Variants in IL1RAPL1 observed in about 807,000 individuals in gnomAD.
The protein encoded by IL1RAPL1 is interleukin 1 receptor accessory protein like 1, also known as interleukin-1 receptor accessory protein-like 1.
Under a neutral mutation model 48.4 loss-of-function variants are expected in IL1RAPL1, and 3 were observed. The observed-to-expected ratio is 0.06, with a 90% CI of 0.03 to 0.16. IL1RAPL1 has a LOEUF of 0.16. Among genes scored for constraint, IL1RAPL1 ranks in the 10% least tolerant of loss-of-function variants. IL1RAPL1 has a pLI of 1.00. For synonymous variants in IL1RAPL1, 185 were observed against 187.7 expected, an observed-to-expected ratio of 0.99 and a Z score of 0.12; for missense variants, 349 against 530.6, an observed-to-expected ratio of 0.66 and a Z score of 3.36.
intron 6 of IL1RAPL1, among the ~76,000 whole-genome samples, chrX:29,769,844 T>C (rs1435889834): frequency 9.1e-6 from 1 of 109,665 alleles, no homozygotes. Context: ...CTCGAACTCC[T>C]GACCTCGTGA....
rs572921846 is a variant in IL1RAPL1, at chrX:29,475,834, GT to G, written c.703+76538del. On this transcript the variant is annotated intron_variant, in intron 5 of 10. Coordinates refer to ENST00000378993, the MANE Select transcript of IL1RAPL1 (RefSeq NM_014271.4). Reference sequence around the variant, plus strand: ...ATAATAATTCATCACACGTTATGAAGTTTTTTTTTTTTATGTAGTTTCTTTT... The same window carrying G: ...ATAATAATTCATCACACGTTATGAAGTTTTTTTTTTTATGTAGTTTCTTTT... 3.7e-3 allele frequency among the ~76,000 whole-genome samples: 385 copies of G among 103,127 alleles called. 1 individual carries two copies. Among genetic ancestry groups the G allele is most frequent in the African/African-American group, 0.011 (304 of 28,578 alleles). The allele number at this position is 103,127 out of a possible 115,157, so 89.6% of individuals were successfully genotyped here.
intron 2 of IL1RAPL1, among the ~76,000 whole-genome samples, chrX:29,137,571 C>T (rs1274308183): frequency 9.0e-6 from 1 of 111,681 alleles, no homozygotes; most frequent in Non-Finnish European, 1.9e-5. Flanking sequence ...TTGAGATTTT[C>T]GTCTTTCTTC....
chrX:29,076,160 G>T (rs1927664786), intron 2 of IL1RAPL1, among the ~76,000 whole-genome samples: 1 of 111,679 alleles, frequency 9.0e-6, no homozygotes, highest in African/African-American at 3.2e-5. Flanking sequence ...ATTTTCAAAA[G>T]AAAATACTTT....
chrX:29,815,824 A>G (rs1930479806), intron 6 of IL1RAPL1, among the ~76,000 whole-genome samples: 1 of 111,398 alleles, frequency 9.0e-6, no homozygotes, highest in African/African-American at 3.3e-5. Context: ...GGTTTCAGCA[A>G]AAGCCTTTTC....
At chrX:29,054,436 A>C (rs1470359963) in intron 2 of IL1RAPL1, among the ~76,000 whole-genome samples, 1 of 111,217 alleles carries the variant, frequency 9.0e-6, no homozygotes, top group Admixed American at 9.6e-5. Context: ...CTTTGTCTGC[A>C]TATCGCTTAC....
At chrX:28,988,538 G>T (rs1925530644) in intron 2 of IL1RAPL1, among the ~76,000 whole-genome samples, 1 of 111,292 alleles carries the variant, frequency 9.0e-6, no homozygotes. Flanking sequence ...GCCACTTCAG[G>T]GTTGATTTCT....
At chrX:29,818,247 A>G (rs1014885953) in intron 6 of IL1RAPL1, among the ~76,000 whole-genome samples, 2 of 112,651 alleles carry the variant, frequency 1.8e-5, no homozygotes, top group Non-Finnish European at 3.7e-5. Flanking sequence ...TGCAGAGGGC[A>G]GTGAGAGCCC....
chrX:28,743,669 G>A (rs186609769), intron 1 of IL1RAPL1, among the ~76,000 whole-genome samples: 2 of 111,137 alleles, frequency 1.8e-5, no homozygotes, highest in East Asian at 2.8e-4. Flanking sequence ...TTGTGATTCC[G>A]TATACTCCAA....
At chrX:29,451,297 C>A (rs763839811) in intron 5 of IL1RAPL1, among the ~76,000 whole-genome samples, 15 of 109,206 alleles carry the variant, frequency 1.4e-4, no homozygotes, top group South Asian at 4.0e-4. Context: ...CAGGTTCAAG[C>A]GATTCTTCTG....
At chrX:28,764,452 TG>T (rs1003961835) in intron 1 of IL1RAPL1, among the ~76,000 whole-genome samples, 1 of 111,693 alleles carries the variant, frequency 9.0e-6, no homozygotes, top group African/African-American at 3.3e-5. Context: ...CCTGTAATCC[TG>T]GCACTTTGGG....
chrX:28,744,405 G>A (rs1935947664), intron 1 of IL1RAPL1, among the ~76,000 whole-genome samples: 1 of 111,536 alleles, frequency 9.0e-6, no homozygotes, highest in Non-Finnish European at 1.9e-5. Context: ...AGCGACATTA[G>A]GTAATTTGCC....
chrX:29,796,855 C>T (rs1284303975), intron 6 of IL1RAPL1, among the ~76,000 whole-genome samples: 1 of 112,662 alleles, frequency 8.9e-6, no homozygotes, highest in African/African-American at 3.2e-5. Flanking sequence ...TCTGGCCACA[C>T]AGTCTTTCCT....
chrX:29,478,087 A>G (rs1355140264), intron 5 of IL1RAPL1, among the ~76,000 whole-genome samples: 1 of 112,410 alleles, frequency 8.9e-6, no homozygotes, highest in Non-Finnish European at 1.9e-5. Flanking sequence ...ACAAAAAAGG[A>G]AAGTAAAAAT....
At chrX:29,738,450 C>CTTTTTTTTTTTTTTTTTTT (rs59952038) in intron 6 of IL1RAPL1, among the ~76,000 whole-genome samples, 16 of 86,162 alleles carry the variant, frequency 1.9e-4, no homozygotes, top group East Asian at 3.6e-4. Flanking sequence ...CTTTTCTTTT[C>CTTTTTTTTTTTTTTTTTTT]TTTTTTTTTT....
intron 1 of IL1RAPL1, among the ~76,000 whole-genome samples, chrX:28,740,773 T>C (rs1935896934): frequency 8.9e-6 from 1 of 111,972 alleles, no homozygotes; most frequent in Admixed American, 9.5e-5. Context: ...TGTGTTAATT[T>C]GCTTAGGATA....
intron 2 of IL1RAPL1, among the ~76,000 whole-genome samples, chrX:28,932,396 G>A (rs1453107183): frequency 9.0e-6 from 1 of 111,440 alleles, no homozygotes; most frequent in African/African-American, 3.3e-5. Context: ...TTCTTACAAT[G>A]TAATAGTAAA....
At chrX:29,521,228 T>C (rs948480167) in intron 5 of IL1RAPL1, among the ~76,000 whole-genome samples, 10 of 112,052 alleles carry the variant, frequency 8.9e-5, no homozygotes, top group African/African-American at 3.2e-4. Flanking sequence ...AAAAATATAA[T>C]TCTTCATACC....
intron 6 of IL1RAPL1, among the ~76,000 whole-genome samples, chrX:29,782,324 A>G (rs1344895661): frequency 2.7e-5 from 3 of 111,680 alleles, no homozygotes; most frequent in African/African-American, 9.8e-5. Context: ...GTAAAGTTCT[A>G]TGTCTTATGA....
chrX:29,446,319 G>A (rs1934611621), intron 5 of IL1RAPL1, among the ~76,000 whole-genome samples: 1 of 111,491 alleles, frequency 9.0e-6, no homozygotes, highest in African/African-American at 3.3e-5. Context: ...AAAAACAAAT[G>A]AAACCAAAGA....
Sources: gnomAD v4.1 joint callset for allele counts (sites outside exome capture counted in the v4.1 genomes callset) on GRCh38, gnomAD v4.1.1 for gene constraint, MANE v1.5 for transcripts, NCBI Gene and HGNC (gene_info 2026-07-23, HGNC 2026-07-21) for gene names.